Variants in EIF2AK4 observed in about 807,000 individuals in gnomAD.
EIF2AK4 encodes eukaryotic translation initiation factor 2 alpha kinase 4.
Under a neutral mutation model 211.1 loss-of-function variants are expected in EIF2AK4, and 139 were observed. That is an observed-to-expected ratio of 0.66 (90% CI 0.57 to 0.76). The LOEUF (loss-of-function observed/expected upper bound fraction) is 0.76. EIF2AK4 is among the 30% of genes least tolerant of loss of function. The pLI, the probability that EIF2AK4 is intolerant of heterozygous loss-of-function variation, is 0.00. For synonymous variants in EIF2AK4, 710 were observed against 751.3 expected, an observed-to-expected ratio of 0.94 and a Z score of 0.90; for missense variants, 1,664 against 2,043.8, an observed-to-expected ratio of 0.81 and a Z score of 3.58.
Position 39,992,861 on chromosome 15 carries a change from G to A in EIF2AK4, c.2766+13G>A, listed in dbSNP as rs772510779. 8 of 1,613,074 alleles carry A rather than the reference G, an allele frequency of 5.0e-6. No homozygotes were observed. The highest frequency in any genetic ancestry group is 1.6e-4 in the Middle Eastern group (1 of 6,062). On this transcript the variant is annotated intron_variant, in intron 18 of 38. Transcript: ENST00000263791. The stretch of plus-strand genomic sequence containing the variant: ...TGCATACAACCAGGTAAGAGGTTTT[G>A]TGGGGAAAAGGAATCTCAAAATTAA...
At chr15:39,996,884 A>G (rs1050266962) in intron 18 of EIF2AK4, 80 bp from the exon 19 acceptor site, 74 of 1,008,342 alleles carry the variant, frequency 7.3e-5, no homozygotes, top group Non-Finnish European at 1.1e-4. Flanking sequence ...ATTTCAGCTA[A>G]CAATGCTTAT....
intron 3 of EIF2AK4, among the ~76,000 whole-genome samples, chr15:39,948,666 T>C (rs1182332932): frequency 6.6e-6 from 1 of 152,216 alleles, no homozygotes; most frequent in Non-Finnish European, 1.5e-5. Flanking sequence ...TTCAGTATGC[T>C]GGGTAGACAG....
intron 27 of EIF2AK4, among the ~76,000 whole-genome samples, chr15:40,015,029 C>T (rs2035286141): frequency 6.6e-6 from 1 of 152,200 alleles, no homozygotes; most frequent in Non-Finnish European, 1.5e-5. Context: ...ACAAGTTCCT[C>T]ATCTCCATCT....
intron 29 of EIF2AK4, among the ~76,000 whole-genome samples, chr15:40,017,643 T>C (rs769665800): frequency 2.8e-4 from 41 of 148,826 alleles, no homozygotes; most frequent in Non-Finnish European, 5.0e-4. Flanking sequence ...CTCCCTGGGC[T>C]CAAATGATTC....
chr15:39,963,963 A>G (rs567599578), intron 7 of EIF2AK4, among the ~76,000 whole-genome samples: 2 of 152,370 alleles, frequency 1.3e-5, no homozygotes, highest in East Asian at 3.9e-4. Flanking sequence ...ACTCCATCCC[A>G]TAAACATTTA....
At position 40,034,825 on chromosome 15, in the gene EIF2AK4, A is replaced by C. The variant is rs577774555; in HGVS notation, c.4893-202A>C. 2.0e-5 allele frequency among the ~76,000 whole-genome samples: 3 copies of C among 152,356 alleles called. No individual in the cohort carries two copies. The East Asian group carries it at 5.8e-4, about 29-fold the overall frequency. ...GGCAACAAGGAAGCCTATGAGGTGA[A>C]TGGTTATCTCCTTACTAGGACCTTA... is the stretch of plus-strand genomic sequence containing the variant. On this transcript the variant is annotated intron_variant, in intron 38 of 38. Transcript: ENST00000263791.
chr15:39,998,881 C>A, intron 20 of EIF2AK4, 97 bp downstream of exon 20: 1 of 1,037,574 alleles, frequency 9.6e-7, no homozygotes, highest in Non-Finnish European at 1.4e-6. Context: ...CACTCATTCT[C>A]TTGTGTCCTG....
At chr15:39,973,107 T>C in intron 10 of EIF2AK4, 93 bp downstream of exon 10, 1 of 989,206 alleles carries the variant, frequency 1.0e-6, no homozygotes, top group East Asian at 2.5e-5. Flanking sequence ...GGGCTGCATG[T>C]GTTATTTTAT....
At chr15:39,959,391 T>G (rs914491164) in intron 6 of EIF2AK4, among the ~76,000 whole-genome samples, 5 of 152,270 alleles carry the variant, frequency 3.3e-5, no homozygotes, top group Non-Finnish European at 7.3e-5. Flanking sequence ...TTATTCCTTC[T>G]TTTCAAACTC....
At chr15:40,004,352 G>A (rs897971260) in intron 23 of EIF2AK4, among the ~76,000 whole-genome samples, 3 of 152,152 alleles carry the variant, frequency 2.0e-5, no homozygotes, top group African/African-American at 7.2e-5. Flanking sequence ...AAAACTGTCT[G>A]TCTGTTTATC....
At chr15:40,032,044 A>G in intron 35 of EIF2AK4, 125 bp from the exon 36 acceptor site, 2 of 859,670 alleles carry the variant, frequency 2.3e-6, no homozygotes, top group Admixed American at 3.9e-5. Flanking sequence ...ACCTTTAGAC[A>G]CCATTTGGAA....
At position 40,007,070 on chromosome 15, in the gene EIF2AK4, G is replaced by T. The variant is rs930259717; in HGVS notation, c.3407+5G>T. On this transcript the variant is annotated splice_donor_5th_base_variant and intron_variant, in intron 24 of 38. Coordinates refer to ENST00000263791, the MANE Select transcript of EIF2AK4 (RefSeq NM_001013703.4). Reference sequence around the variant, plus strand: ...TAATATATTGAATTTAAAACGGTAAGAAACAATAGGAGATTCCATTTGGTA... The same window carrying T: ...TAATATATTGAATTTAAAACGGTAATAAACAATAGGAGATTCCATTTGGTA... The T allele has an allele frequency of 1.9e-6, 3 of 1,584,742 alleles. No homozygotes were observed. Among genetic ancestry groups the T allele is most frequent in the Non-Finnish European group, 1.7e-6 (2 of 1,156,156 alleles).
At chr15:39,965,600 AAAG>A (rs2034532802) in intron 7 of EIF2AK4, 83 bp from the exon 8 acceptor site, 1 of 1,468,754 alleles carries the variant, frequency 6.8e-7, no homozygotes. Context: ...TTGTTGAACT[AAAG>A]AATGTGTATT....
In EIF2AK4 at chr15:40,008,053, CG is replaced by C. The variant is rs1567002903; in HGVS notation, c.3435del (p.Arg1146AlafsTer3). ...KRYCIERVFR[P>X]RKLDRFHPKE... is the part of the protein sequence containing the mutation. Reference sequence around the variant, plus strand: ...TACTGCATAGAACGTGTGTTCAGGCCGCGCAAGTTAGATCGATTTCATCCCA... The same window carrying C: ...TACTGCATAGAACGTGTGTTCAGGCCCGCAAGTTAGATCGATTTCATCCCA... On this transcript the variant is annotated frameshift_variant, in exon 25 of 39. Coordinates refer to ENST00000263791, the MANE Select transcript of EIF2AK4 (RefSeq NM_001013703.4). LOFTEE classifies it high-confidence loss of function. 2 of 1,605,410 alleles carry C rather than the reference CG, an allele frequency of 1.2e-6. No homozygotes were observed. The highest frequency in any genetic ancestry group is 2.2e-5 in the South Asian group (2 of 89,150).
At chr15:40,007,951 A>G in intron 24 of EIF2AK4, 76 bp from the exon 25 acceptor site, 1 of 1,176,312 alleles carries the variant, frequency 8.5e-7, no homozygotes, top group Non-Finnish European at 1.2e-6. Flanking sequence ...TGTTTCTTAT[A>G]TCTTGTTCAA....
In EIF2AK4 at chr15:39,992,341, C is replaced by T. The variant is rs915165180; in HGVS notation, c.2686+112C>T. On this transcript the variant is annotated intron_variant, in intron 17 of 38. Coordinates refer to ENST00000263791, the MANE Select transcript of EIF2AK4 (RefSeq NM_001013703.4). ...TTTATTCTACGGCAGATTTTAATTGCTCCTTAAGTTAACAAAATTATGGAA... is the reference window on the plus strand; with the variant it reads ...TTTATTCTACGGCAGATTTTAATTGTTCCTTAAGTTAACAAAATTATGGAA... The T allele has an allele frequency of 5.7e-5, 47 of 828,432 alleles. No homozygotes were observed. The East Asian group carries it at 1.2e-3, about 21-fold the overall frequency. 51.3% of individuals were successfully genotyped at this position (828,432 alleles called of 1,614,324 possible).
chr15:39,978,570 G>C (rs2034733728), intron 13 of EIF2AK4, among the ~76,000 whole-genome samples: 1 of 152,186 alleles, frequency 6.6e-6, no homozygotes, highest in Admixed American at 6.5e-5. Context: ...CCATCCTCTA[G>C]AACAGTGTTT....
At chr15:39,956,607 C>A (rs551312305) in intron 6 of EIF2AK4, among the ~76,000 whole-genome samples, 2 of 152,326 alleles carry the variant, frequency 1.3e-5, no homozygotes, top group East Asian at 3.9e-4. Flanking sequence ...TTAAAAGATA[C>A]TACTTGTTCT....
chr15:39,941,824 T>G (rs971982231), intron 2 of EIF2AK4, among the ~76,000 whole-genome samples: 1 of 152,160 alleles, frequency 6.6e-6, no homozygotes, highest in Non-Finnish European at 1.5e-5. Context: ...AGTCTCCAGA[T>G]GTTGGCAGAT....
Sources: allele counts gnomAD v4.1 joint callset (sites outside exome capture counted in the v4.1 genomes callset), GRCh38; gene constraint gnomAD v4.1.1; transcripts MANE v1.5; gene names NCBI Gene and HGNC (gene_info 2026-07-23, HGNC 2026-07-21).